Variants in MBD5 observed in about 807,000 individuals in gnomAD.
MBD5 encodes methyl-CpG binding domain protein 5.
A neutral mutation model predicts 117.3 loss-of-function variants in MBD5; 13 were observed. That is an observed-to-expected ratio of 0.11 (90% CI 0.07 to 0.18). MBD5 has a LOEUF of 0.18. Among genes scored for constraint, MBD5 ranks in the 10% least tolerant of loss-of-function variants. MBD5 has a pLI of 1.00. For missense variants in MBD5, 1,879 were observed against 2,093.8 expected (o/e 0.90, Z 2.00); for synonymous variants, 727 against 766.4 (o/e 0.95, Z 0.85).
chr2:148,241,637 C>G (rs1016338025), intron 3 of MBD5, among the ~76,000 whole-genome samples: 3 of 152,114 alleles, frequency 2.0e-5, no homozygotes, highest in Admixed American at 2.0e-4. Flanking sequence ...GCCATTCTCT[C>G]AACCCTGAAT....
intron 1 of MBD5, among the ~76,000 whole-genome samples, chr2:148,153,188 T>A (rs891635798): frequency 2.0e-5 from 3 of 151,368 alleles, no homozygotes; most frequent in South Asian, 2.1e-4. Flanking sequence ...TTATTTCTCC[T>A]TCACTTATGA....
chr2:148,343,307 G>A (rs79078005), intron 4 of MBD5, among the ~76,000 whole-genome samples: 151 of 152,160 alleles, frequency 9.9e-4, no homozygotes, highest in Non-Finnish European at 1.3e-3. Flanking sequence ...TGATTACTGG[G>A]TTGAATGGTA....
rs1392680778 is a variant in MBD5 at position 148,469,687 on chromosome 2, GCAGCAGCCAAAGCA to G, written c.1749_1762del (p.Ala584SerfsTer9). 1 of 1,613,940 alleles carries G rather than the reference GCAGCAGCCAAAGCA, an allele frequency of 6.2e-7. No individual in the cohort carries two copies. The highest frequency in any genetic ancestry group is 8.5e-7 in the Non-Finnish European group (1 of 1,179,896). On this transcript the variant is annotated frameshift_variant, in exon 8 of 14. Coordinates refer to ENST00000642680, the MANE Select transcript of MBD5 (RefSeq NM_001378120.1). LOFTEE classifies it high-confidence loss of function. ...CTTTCCAGCAAGTAGTTTACTCTCAGCAGCAGCCAAAGCACAGCTAGCAAATCAAAACAAACTTG... is the reference window on the plus strand; with the variant it reads ...CTTTCCAGCAAGTAGTTTACTCTCAGCAGCTAGCAAATCAAAACAAACTTG...
intron 3 of MBD5, among the ~76,000 whole-genome samples, chr2:148,246,205 G>T (rs929817281): frequency 1.3e-5 from 2 of 152,096 alleles, no homozygotes; most frequent in African/African-American, 4.8e-5. Flanking sequence ...AACATTAACT[G>T]ACTTGCCCAA....
At chr2:148,388,643 A>C (rs1455066634) in intron 4 of MBD5, among the ~76,000 whole-genome samples, 2 of 152,184 alleles carry the variant, frequency 1.3e-5, no homozygotes, top group Non-Finnish European at 2.9e-5. Context: ...GTCCAGAATC[A>C]AGGTGCTGGC....
At chr2:148,239,236 C>T (rs570333164) in intron 3 of MBD5, among the ~76,000 whole-genome samples, 33 of 152,246 alleles carry the variant, frequency 2.2e-4, no homozygotes, top group African/African-American at 7.5e-4. Context: ...ATATCTGACA[C>T]CACCATTTCT....
chr2:148,468,141 A>AT (rs1680625631), intron 7 of MBD5, among the ~76,000 whole-genome samples, 200 bp from the exon 8 acceptor site: 1 of 152,152 alleles, frequency 6.6e-6, no homozygotes, highest in Non-Finnish European at 1.5e-5. Flanking sequence ...AATAATGTAC[A>AT]TTTTTTAAAT....
chr2:148,417,377 G>A (rs1296364892), intron 4 of MBD5, among the ~76,000 whole-genome samples: 1 of 143,328 alleles, frequency 7.0e-6, no homozygotes. Context: ...GAGCTCAAGT[G>A]ATCTCCCATC....
chr2:148,176,533 C>G (rs1315339323), intron 1 of MBD5, among the ~76,000 whole-genome samples: 8 of 151,668 alleles, frequency 5.3e-5, no homozygotes, highest in Admixed American at 5.2e-4. Flanking sequence ...CTCAGCCTCC[C>G]GAGTAGCTGG....
At chr2:148,312,568 C>G (rs1305386940) in intron 3 of MBD5, among the ~76,000 whole-genome samples, 1 of 152,010 alleles carries the variant, frequency 6.6e-6, no homozygotes, top group Non-Finnish European at 1.5e-5. Context: ...TTTTCAAGGT[C>G]CTTAGCTTCC....
At chr2:148,328,922 A>C (rs1475697811) in intron 3 of MBD5, among the ~76,000 whole-genome samples, 2 of 152,234 alleles carry the variant, frequency 1.3e-5, no homozygotes, top group Admixed American at 1.3e-4. Flanking sequence ...ATTCAAGAAT[A>C]TCATTCTTAT....
chr2:148,363,526 C>T (rs1046830753), intron 4 of MBD5, among the ~76,000 whole-genome samples: 19 of 152,138 alleles, frequency 1.2e-4, no homozygotes, highest in African/African-American at 4.1e-4. Context: ...AGCCACCACA[C>T]GCAGCCTCTG....
intron 4 of MBD5, among the ~76,000 whole-genome samples, chr2:148,347,978 G>A (rs1703162841): frequency 6.6e-6 from 1 of 151,838 alleles, no homozygotes; most frequent in Non-Finnish European, 1.5e-5. Context: ...AGCTTTGTCT[G>A]ATTCTTCCAG....
chr2:148,319,653 G>A (rs919747229), intron 3 of MBD5, among the ~76,000 whole-genome samples: 4 of 152,094 alleles, frequency 2.6e-5, no homozygotes, highest in African/African-American at 9.7e-5. Context: ...GAGGTTTTTG[G>A]TGGAGTCTTT....
chr2:148,308,491 CTTTTTTTTT>C lies in MBD5; in HGVS notation c.-679-33704_-679-33696del, dbSNP rs60650324. On this transcript the variant is annotated intron_variant, in intron 3 of 13. Coordinates refer to ENST00000642680, the MANE Select transcript of MBD5 (RefSeq NM_001378120.1). ...CTCCCACTTTTTGATGGGGTTCTTTCTTTTTTTTTTTTTTTTTTTTTTTTTTTGATGGGG... is the reference window on the plus strand; with the variant it reads ...CTCCCACTTTTTGATGGGGTTCTTTCTTTTTTTTTTTTTTTTTTGATGGGG... Among the ~76,000 whole-genome samples, 3 of 66,772 alleles carry C rather than the reference CTTTTTTTTT, an allele frequency of 4.5e-5. No homozygotes were observed. The East Asian group carries it at 1.6e-3, about 35-fold the overall frequency. The allele number at this position is 66,772 out of a possible 152,430, so 43.8% of individuals were successfully genotyped here.
intron 1 of MBD5, among the ~76,000 whole-genome samples, chr2:148,113,047 T>C (rs1415295459): frequency 2.0e-5 from 3 of 152,320 alleles, no homozygotes; most frequent in Non-Finnish European, 4.4e-5. Context: ...GTTACACAGA[T>C]AGCAATCACC....
Position 148,021,563 on chromosome 2 carries a change from GCCA to G in MBD5, c.-1044_-1042del. 1.8e-6 allele frequency: 1 copy of G among 543,814 alleles called. No individual in the cohort carries two copies. The allele number at this position is 543,814 out of a possible 1,614,324, so 33.7% of individuals were successfully genotyped here. ...AGACATCTCACTACACCCAGGAGCA[GCCA>G]CTTCCCCAGCTCTCCTCCTCCTCCT... On this transcript the variant is annotated 5_prime_UTR_variant, in exon 1 of 14. Transcript: ENST00000642680.
At position 148,102,735 on chromosome 2, in the gene MBD5, GAGAGAGAGAGAGAGAGAGAGAGAGAGGA is replaced by G. The variant is rs1246604493; in HGVS notation, c.-924-75945_-924-75918del. On this transcript the variant is annotated intron_variant, in intron 1 of 13. Transcript: ENST00000642680. ...ACACACACACACACACACACAGAGA[GAGAGAGAGAGAGAGAGAGAGAGAGAGGA>G]AGAGAGAGAGAGAGAGAGATCCAAA... Among the ~76,000 whole-genome samples the G allele has an allele frequency of 2.5e-4, 11 of 43,270 alleles. No homozygotes were observed. The East Asian group carries it at 2.7e-3, about 11-fold the overall frequency. 28.4% of individuals were successfully genotyped at this position (43,270 alleles called of 152,430 possible).
At chr2:148,055,192 T>A (rs1327132266) in intron 1 of MBD5, 1 of 152,114 alleles carries the variant, frequency 6.6e-6, no homozygotes, top group Non-Finnish European at 1.5e-5. Context: ...AATTTTAACT[T>A]AGTAGAAATT....
Sources: allele counts gnomAD v4.1 joint callset (sites outside exome capture counted in the v4.1 genomes callset), GRCh38; gene constraint gnomAD v4.1.1; transcripts MANE v1.5; gene names NCBI Gene and HGNC (gene_info 2026-07-23, HGNC 2026-07-21).